The following ANKH variants were observed in gnomAD, a reference collection of about 807,000 sequenced individuals.
The protein encoded by ANKH is mineralization regulator ANKH.
In ANKH, 15 loss-of-function variants were observed where a neutral mutation model predicts 49.0. The observed-to-expected ratio is 0.31, with a 90% CI of 0.20 to 0.47. ANKH has a LOEUF of 0.47. ANKH is among the 20% of genes least tolerant of loss of function. ANKH has a pLI of 1.00. For missense variants in ANKH, 429 were observed against 652.0 expected (o/e 0.66, Z 3.72); for synonymous variants, 273 against 260.0 (o/e 1.05, Z -0.48).
At chr5:14,780,604 CA>C (rs1434336496) in intron 1 of ANKH, among the ~76,000 whole-genome samples, 1 of 152,054 alleles carries the variant, frequency 6.6e-6, no homozygotes, top group Non-Finnish European at 1.5e-5. Context: ...AATTCTTCCA[CA>C]AAAAAGGGTG....
Position 14,777,235 on chromosome 5 carries a change from G to A in ANKH, c.97-8044C>T, listed in dbSNP as rs575593939. On this transcript the variant is annotated intron_variant, in intron 1 of 11. Coordinates refer to ENST00000284268, the MANE Select transcript of ANKH (RefSeq NM_054027.6). The stretch of plus-strand genomic sequence containing the variant: ...CGGGAGGTGGAGGTTGCAGTGAGCC[G>A]AGATTGCGCCATTGCACTCCAGTCT... 3.3e-5 allele frequency among the ~76,000 whole-genome samples: 5 copies of A among 152,270 alleles called. 1 individual carries two copies. The South Asian group carries it at 1.0e-3, about 32-fold the overall frequency.
At chr5:14,761,721 G>A (rs1272520472) in intron 2 of ANKH, among the ~76,000 whole-genome samples, 14 of 147,270 alleles carry the variant, frequency 9.5e-5, no homozygotes, top group African/African-American at 3.3e-4. Context: ...GAGTATTCCC[G>A]TCAAGCAACT....
chr5:14,757,430 A>ATATT (rs1379233165), intron 3 of ANKH, among the ~76,000 whole-genome samples: 6 of 113,808 alleles, frequency 5.3e-5, no homozygotes, highest in East Asian at 2.5e-4. Context: ...ATATATATAT[A>ATATT]TTTTTTTTTT....
rs370977131 is a variant in ANKH, at chr5:14,777,264, C to T, written c.97-8073G>A. Among the ~76,000 whole-genome samples the T allele has an allele frequency of 8.5e-5, 13 of 152,146 alleles. No individual in the cohort carries two copies. The East Asian group carries it at 1.2e-3, about 14-fold the overall frequency. On this transcript the variant is annotated intron_variant, in intron 1 of 11. Transcript: ENST00000284268. ...TTGCGCCATTGCACTCCAGTCTGGG[C>T]GACAAGAGCAAAACTCCATCACAAA...
chr5:14,757,452 T>A (rs1738938490), intron 3 of ANKH, among the ~76,000 whole-genome samples: 1 of 121,486 alleles, frequency 8.2e-6, no homozygotes, highest in Non-Finnish European at 1.7e-5. Context: ...TTTTTTTTGC[T>A]AAGTCTTTTT....
Position 14,758,570 on chromosome 5 carries a change from G to A in ANKH, c.342C>T (p.Ile114=), listed in dbSNP as rs1208081019. Residue 114 remains isoleucine (I), a synonymous_variant, in exon 3 of 12, where the codon ATC becomes ATT. Coordinates refer to ENST00000284268, the MANE Select transcript of ANKH (RefSeq NM_054027.6). Reference sequence around the variant, plus strand: ...ACTCGTCCACATGGTGCAGTTTATTGATAATGTAGTATCCTAAATCACTAT... The same window carrying A: ...ACTCGTCCACATGGTGCAGTTTATTAATAATGTAGTATCCTAAATCACTAT... ...IAYSDLGYYI[I]NKLHHVDESV... is the part of the protein sequence containing the mutation. 9.3e-6 allele frequency: 15 copies of A among 1,613,714 alleles called. No individual in the cohort carries two copies. The highest frequency in any genetic ancestry group is 2.7e-5 in the African/African-American group (2 of 74,916).
At chr5:14,860,163 T>C (rs1217461228) in intron 1 of ANKH, among the ~76,000 whole-genome samples, 2 of 152,204 alleles carry the variant, frequency 1.3e-5, no homozygotes, top group Non-Finnish European at 2.9e-5. Flanking sequence ...TCTTCTCAGG[T>C]GATGCAAGGC....
chr5:14,838,211 A>G (rs560593806), intron 1 of ANKH, among the ~76,000 whole-genome samples: 3 of 152,270 alleles, frequency 2.0e-5, no homozygotes, highest in Admixed American at 2.0e-4. Flanking sequence ...ATGTATACAT[A>G]TGTCACAAAC....
At chr5:14,765,796 A>G (rs1397638535) in intron 2 of ANKH, among the ~76,000 whole-genome samples, 1 of 152,186 alleles carries the variant, frequency 6.6e-6, no homozygotes, top group Non-Finnish European at 1.5e-5. Context: ...CCATTAACTG[A>G]TGCACAGAGG....
intron 1 of ANKH, among the ~76,000 whole-genome samples, chr5:14,822,910 T>C (rs2126588539): frequency 6.6e-6 from 1 of 152,206 alleles, no homozygotes; most frequent in East Asian, 1.9e-4. Context: ...GGTGCACGCC[T>C]GTAGTCCCAG....
intron 8 of ANKH, among the ~76,000 whole-genome samples, chr5:14,721,126 A>G (rs898826016): frequency 6.6e-6 from 1 of 152,198 alleles, no homozygotes; most frequent in African/African-American, 2.4e-5. Flanking sequence ...TGTGTAGGTG[A>G]GCACAGTTAT....
chr5:14,707,484 A>G lies in ANKH; in HGVS notation c.*3713T>C, dbSNP rs1021861718. On this transcript the variant is annotated 3_prime_UTR_variant, in exon 12 of 12. Transcript: ENST00000284268. The stretch of plus-strand genomic sequence containing the variant: ...TGAAAATATAAGTGAATAAATTTTG[A>G]GAGTTACGATATGTAATGATTATTC... 6.6e-6 allele frequency: 1 copy of G among 152,178 alleles called. No homozygotes were observed. The highest frequency in any genetic ancestry group is 2.4e-5 in the African/African-American group (1 of 41,432). 9.4% of individuals were successfully genotyped at this position (152,178 alleles called of 1,614,324 possible). A position where few individuals can be genotyped will look rare whatever the true frequency, so the allele number is the denominator to read the frequency against.
At chr5:14,803,476 C>T (rs1036313156) in intron 1 of ANKH, among the ~76,000 whole-genome samples, 13 of 152,202 alleles carry the variant, frequency 8.5e-5, no homozygotes, top group South Asian at 2.1e-4. Context: ...CATGGGGTTT[C>T]GCCATCTTGG....
At chr5:14,862,057 G>A (rs954266469) in intron 1 of ANKH, among the ~76,000 whole-genome samples, 2 of 152,114 alleles carry the variant, frequency 1.3e-5, no homozygotes, top group African/African-American at 2.4e-5. Context: ...CCAACATGGT[G>A]AAACCCCGTC....
At chr5:14,734,215 T>A (rs969587066) in intron 8 of ANKH, among the ~76,000 whole-genome samples, 2 of 152,186 alleles carry the variant, frequency 1.3e-5, no homozygotes, top group African/African-American at 4.8e-5. Context: ...CATTCCGATT[T>A]CCTGCTCTGC....
intron 1 of ANKH, chr5:14,869,661 T>C (rs1450561272): frequency 6.6e-6 from 1 of 152,238 alleles, no homozygotes; most frequent in African/African-American, 2.4e-5. Context: ...GGAGATTCTT[T>C]TTCTTATACT....
Position 14,741,667 on chromosome 5 carries a change from A to G in ANKH, c.1011+160T>C, listed in dbSNP as rs1738357856. On this transcript the variant is annotated intron_variant, in intron 8 of 11. Coordinates refer to ENST00000284268, the MANE Select transcript of ANKH (RefSeq NM_054027.6). ...AGACTCAAGGGCCTCCTTGAATAAC[A>G]ATCGTTCACATTTGAAGAAGAAAGT... is the stretch of plus-strand genomic sequence containing the variant. 14 of 640,366 alleles carry G rather than the reference A, an allele frequency of 2.2e-5. No individual in the cohort carries two copies. The East Asian group carries it at 3.9e-4, about 18-fold the overall frequency. The allele number at this position is 640,366 out of a possible 1,614,324, so 39.7% of individuals were successfully genotyped here.
rs1437574785 is a variant in ANKH at position 14,707,027 on chromosome 5, G to A, written c.*4170C>T. The A allele has an allele frequency of 2.6e-5, 4 of 152,204 alleles. No homozygotes were observed. Among genetic ancestry groups the A allele is most frequent in the African/African-American group, 9.7e-5 (4 of 41,438 alleles). 9.4% of individuals were successfully genotyped at this position (152,204 alleles called of 1,614,324 possible). On this transcript the variant is annotated 3_prime_UTR_variant, in exon 12 of 12. Transcript: ENST00000284268. ...AATTTTGGTTCCAAAGAAAGGTGAG[G>A]AGCAGAACTTAGAAGATAAAGGACC...
chr5:14,865,362 T>G (rs1410158304), intron 1 of ANKH, among the ~76,000 whole-genome samples: 2 of 152,230 alleles, frequency 1.3e-5, no homozygotes, highest in Non-Finnish European at 2.9e-5. Context: ...AGGCATTTTT[T>G]CACATTTAAA....
Sources: allele counts gnomAD v4.1 joint callset (sites outside exome capture counted in the v4.1 genomes callset), GRCh38; gene constraint gnomAD v4.1.1; transcripts MANE v1.5; gene names NCBI Gene and HGNC (gene_info 2026-07-23, HGNC 2026-07-21).